Variants in STK33 observed in about 807,000 individuals in gnomAD.
The protein encoded by STK33 is serine/threonine kinase 33.
A neutral mutation model predicts 58.0 loss-of-function variants in STK33; 52 were observed. The ratio of observed to expected loss-of-function variants is 0.90; its 90% CI spans 0.72 to 1.13. STK33 has a LOEUF of 1.13. Ranked by LOEUF, STK33 falls within the 50% of genes most tolerant of loss-of-function variation. The pLI is 0.00. For missense variants in STK33, 630 were observed against 604.2 expected, an observed-to-expected ratio of 1.04 and a Z score of -0.45; for synonymous variants, 215 against 200.1, an observed-to-expected ratio of 1.07 and a Z score of -0.63.
In STK33 at chr11:8,550,837, C is replaced by T. The variant is rs544731130; in HGVS notation, c.-466+43246G>A. Among the ~76,000 whole-genome samples, 60 of 152,286 alleles carry T rather than the reference C, an allele frequency of 3.9e-4. No homozygotes were observed. The South Asian group carries it at 0.012, about 30-fold the overall frequency. Reference sequence around the variant, plus strand: ...CCCACATTTCCTGTCTTCTTCTGAGCCCTCCAAACTGTTGCAACCCCTGCC... The same window carrying T: ...CCCACATTTCCTGTCTTCTTCTGAGTCCTCCAAACTGTTGCAACCCCTGCC... On this transcript the variant is annotated intron_variant, in intron 1 of 15. Coordinates refer to ENST00000687296, the MANE Select transcript of STK33 (RefSeq NM_001352389.2).
intron 1 of STK33, among the ~76,000 whole-genome samples, chr11:8,571,711 T>C (rs1957819327): frequency 6.6e-6 from 1 of 151,584 alleles, no homozygotes; most frequent in Non-Finnish European, 1.5e-5. Flanking sequence ...CGGGTGCCTG[T>C]AGTCCCAGCT....
chr11:8,437,630 A>AT (rs1944240170), intron 12 of STK33, among the ~76,000 whole-genome samples: 1 of 152,092 alleles, frequency 6.6e-6, no homozygotes, highest in African/African-American at 2.4e-5. Context: ...TAACAGTTAC[A>AT]TTTTTACTAA....
At chr11:8,553,223 ATG>A (rs1313816005) in intron 1 of STK33, among the ~76,000 whole-genome samples, 15 of 104,118 alleles carry the variant, frequency 1.4e-4, no homozygotes, top group South Asian at 6.8e-4. Flanking sequence ...ATATATATAT[ATG>A]GTGTGTATAT....
At chr11:8,401,077 C>T (rs185408821) in intron 15 of STK33, among the ~76,000 whole-genome samples, 1 of 152,058 alleles carries the variant, frequency 6.6e-6, no homozygotes, top group Admixed American at 6.5e-5. Flanking sequence ...CCATACCCAT[C>T]AAGCTACCAA....
chr11:8,397,354 T>A (rs1849543774), intron 15 of STK33, among the ~76,000 whole-genome samples: 1 of 152,178 alleles, frequency 6.6e-6, no homozygotes, highest in Admixed American at 6.5e-5. Flanking sequence ...GCAAACAGGG[T>A]CTGGAGTGGA....
At chr11:8,404,148 G>A (rs893747915) in intron 15 of STK33, among the ~76,000 whole-genome samples, 1 of 152,198 alleles carries the variant, frequency 6.6e-6, no homozygotes, top group Non-Finnish European at 1.5e-5. Context: ...AAAGCTAAGG[G>A]AAGAAGAAAA....
intron 1 of STK33, among the ~76,000 whole-genome samples, chr11:8,528,912 A>C (rs1489349250): frequency 6.6e-6 from 1 of 152,246 alleles, no homozygotes; most frequent in African/African-American, 2.4e-5. Context: ...CACTTGCTAT[A>C]AATTACAATA....
At chr11:8,478,743 A>AG (rs1366971540) in intron 2 of STK33, among the ~76,000 whole-genome samples, 130 of 151,886 alleles carry the variant, frequency 8.6e-4, no homozygotes, top group African/African-American at 3.1e-3. Flanking sequence ...ATTCAAGTAA[A>AG]GGGGAAAAAA....
At chr11:8,388,327 G>A (rs1300912528), downstream of STK33, among the ~76,000 whole-genome samples, 2 of 152,262 alleles carry the variant, frequency 1.3e-5, no homozygotes, top group Non-Finnish European at 2.9e-5. Flanking sequence ...GAGTTGAGCT[G>A]ATTATAGCAG....
chr11:8,482,108 CTGTT>C (rs1949854146), intron 1 of STK33, among the ~76,000 whole-genome samples: 4 of 152,160 alleles, frequency 2.6e-5, no homozygotes, highest in Admixed American at 6.5e-5. Context: ...CTGGGAGAGC[CTGTT>C]TCCTTTGATC....
chr11:8,356,214 A>C, the STK33 span, among the ~76,000 whole-genome samples: 1 of 152,186 alleles, frequency 6.6e-6, no homozygotes, highest in Non-Finnish European at 1.5e-5. Flanking sequence ...ACAGGTATGA[A>C]GCTCACCCCA....
intron 1 of STK33, among the ~76,000 whole-genome samples, chr11:8,532,377 C>A (rs1954622839): frequency 6.6e-6 from 1 of 152,232 alleles, no homozygotes; most frequent in South Asian, 2.1e-4. Flanking sequence ...TGCTTTTGCA[C>A]TACAATGGCA....
chr11:8,584,110 G>GAAAAAAAAAAAAA (rs35914021), intron 1 of STK33, among the ~76,000 whole-genome samples: 1 of 126,628 alleles, frequency 7.9e-6, no homozygotes. Flanking sequence ...GAATTTAGAT[G>GAAAAAAAAAAAAA]AAAAAAAAAA....
chr11:8,434,644 T>C (rs566183525), intron 14 of STK33, among the ~76,000 whole-genome samples: 5 of 152,284 alleles, frequency 3.3e-5, no homozygotes, highest in Middle Eastern at 3.4e-3. Flanking sequence ...TCCTTGCATC[T>C]TGTTGCTCTG....
intron 1 of STK33, among the ~76,000 whole-genome samples, chr11:8,490,161 A>C (rs985552256): frequency 6.6e-6 from 1 of 152,188 alleles, no homozygotes; most frequent in African/African-American, 2.4e-5. Context: ...TCCCTTTCCT[A>C]GCCAAGGGAA....
the STK33 span, among the ~76,000 whole-genome samples, chr11:8,371,470 G>C: frequency 2.6e-5 from 4 of 152,198 alleles, no homozygotes; most frequent in Non-Finnish European, 4.4e-5. Flanking sequence ...CTGGCCTCCT[G>C]AACTATGAGG....
intron 1 of STK33, among the ~76,000 whole-genome samples, chr11:8,583,240 A>G (rs1252657656): frequency 4.6e-5 from 7 of 152,168 alleles, no homozygotes; most frequent in Admixed American, 4.6e-4. Flanking sequence ...TCTTTTCTAC[A>G]ACCCCAACAC....
chr11:8,379,592 G>A, the STK33 span, among the ~76,000 whole-genome samples: 2,247 of 152,110 alleles, frequency 0.015, 37 homozygotes, highest in Middle Eastern at 0.054. Flanking sequence ...CCACAATGAG[G>A]TACCACATTA....
chr11:8,517,580 TA>T (rs1409189934), intron 1 of STK33, among the ~76,000 whole-genome samples: 1 of 152,112 alleles, frequency 6.6e-6, no homozygotes, highest in East Asian at 1.9e-4. Flanking sequence ...GCAAAGAAGC[TA>T]AAAACCTTGA....
Sources: gnomAD v4.1 joint callset for allele counts (sites outside exome capture counted in the v4.1 genomes callset) on GRCh38, gnomAD v4.1.1 for gene constraint, MANE v1.5 for transcripts, NCBI Gene and HGNC (gene_info 2026-07-23, HGNC 2026-07-21) for gene names.